The following ANKRD40CL variants were observed in gnomAD, a reference collection of about 807,000 sequenced individuals.
ANKRD40CL encodes the protein putative ANKRD40 C-terminal-like protein.
For synonymous variants in ANKRD40CL, 5 were observed against 2.3 expected, an observed-to-expected ratio of 2.14 and a Z score of -1.04; for missense variants, 11 against 6.4, an observed-to-expected ratio of 1.71 and a Z score of -0.77.
chr17:50,762,221 G>T (rs574513008), intron 3 of ANKRD40CL, among the ~76,000 whole-genome samples: 80 of 152,148 alleles, frequency 5.3e-4, no homozygotes, highest in African/African-American at 1.9e-3. Context: ...ACACCCAGCA[G>T]ATTTTTGTTG....
chr17:50,761,152 G>T lies in ANKRD40CL; in HGVS notation c.*211C>A. ...CCTCCTGGGTTCAGGTGATTCTCCT[G>T]CCTCAGCTTCCCATGTAGCTGGGAC... On this transcript the variant is annotated 3_prime_UTR_variant, in exon 4 of 4. Coordinates refer to ENST00000450727, the MANE Select transcript of ANKRD40CL (RefSeq NM_001358683.3). The T allele has an allele frequency of 3.6e-6, 1 of 276,184 alleles. No individual in the cohort carries two copies. Among genetic ancestry groups the T allele is most frequent in the African/African-American group, 2.2e-5 (1 of 45,342 alleles). The allele number at this position is 276,184 out of a possible 1,614,324, so 17.1% of individuals were successfully genotyped here.
intron 1 of ANKRD40CL, chr17:50,767,215 C>T (rs1221195049): frequency 5.0e-6 from 3 of 594,122 alleles, no homozygotes; most frequent in African/African-American, 3.7e-5. Context: ...GTAGTACTCA[C>T]CCGAGGGAAT....
Position 50,761,201 on chromosome 17 carries a change from C to G in ANKRD40CL, c.*162G>C. ...ACTACTACAGGTGTGCGCCACCACACCTAGCTAATTTTTGTATTTTTTTTA... is the reference window on the plus strand; with the variant it reads ...ACTACTACAGGTGTGCGCCACCACAGCTAGCTAATTTTTGTATTTTTTTTA... On this transcript the variant is annotated 3_prime_UTR_variant, in exon 4 of 4. Transcript: ENST00000450727. 1 of 356,136 alleles carries G rather than the reference C, an allele frequency of 2.8e-6. No individual in the cohort carries two copies. Among genetic ancestry groups the G allele is most frequent in the African/African-American group, 2.1e-5 (1 of 47,678 alleles). 22.1% of individuals were successfully genotyped at this position (356,136 alleles called of 1,614,324 possible).
chr17:50,762,462 A>G (rs1288932317), intron 3 of ANKRD40CL, among the ~76,000 whole-genome samples: 1 of 151,992 alleles, frequency 6.6e-6, no homozygotes, highest in African/African-American at 2.4e-5. Context: ...TGTAGTCCCA[A>G]CTACTCTGGA....
In ANKRD40CL at chr17:50,766,925, A is replaced by G. The variant is rs116445756; in HGVS notation, c.-12T>C. On this transcript the variant is annotated 5_prime_UTR_variant, in exon 2 of 4. It removes the in-frame stop codon of an upstream open reading frame in the 5' UTR. Transcript: ENST00000450727. ...TCCGGTTCAGCCATGAGTCACCTCT[A>G]GTCCGTCAGATGTGCAGCCCCTCTC... 509 of 699,566 alleles carry G rather than the reference A, an allele frequency of 7.3e-4. 37 individuals carry two copies. In the African/African-American group the frequency reaches 8.3e-3, roughly 11 times the overall value. 43.3% of individuals were successfully genotyped at this position (699,566 alleles called of 1,614,324 possible).
At position 50,763,277 on chromosome 17, in the gene ANKRD40CL, G is replaced by A. The variant is rs1274015734; in HGVS notation, c.201+120C>T. The A allele has an allele frequency of 1.3e-5, 5 of 398,086 alleles. No homozygotes were observed. The East Asian group carries it at 1.4e-4, about 11-fold the overall frequency. 24.7% of individuals were successfully genotyped at this position (398,086 alleles called of 1,614,324 possible). ...AGATTGAAAATGACCTAGCTACCATGTTTGGCCGTTTTGCAGCCAGGATTT... is the reference window on the plus strand; with the variant it reads ...AGATTGAAAATGACCTAGCTACCATATTTGGCCGTTTTGCAGCCAGGATTT... On this transcript the variant is annotated intron_variant, in intron 3 of 3. Coordinates refer to ENST00000450727, the MANE Select transcript of ANKRD40CL (RefSeq NM_001358683.3).
At chr17:50,762,045 C>G (rs1308329319) in intron 3 of ANKRD40CL, among the ~76,000 whole-genome samples, 1 of 151,982 alleles carries the variant, frequency 6.6e-6, no homozygotes, top group Non-Finnish European at 1.5e-5. Flanking sequence ...AGCAATCCTT[C>G]CACTTCCACT....
chr17:50,764,190 G>C (rs939179803), intron 2 of ANKRD40CL: 4 of 398,524 alleles, frequency 1.0e-5, no homozygotes, highest in African/African-American at 8.2e-5. Flanking sequence ...TGGGTTTCTT[G>C]TTATCACTTG....
At chr17:50,764,863 G>A (rs1166408861) in intron 2 of ANKRD40CL, 1 of 152,204 alleles carries the variant, frequency 6.6e-6, no homozygotes, top group Non-Finnish European at 1.5e-5. Context: ...CAGTTGTCGG[G>A]GCATGATGAA....
At chr17:50,762,209 C>T (rs1971213099) in intron 3 of ANKRD40CL, among the ~76,000 whole-genome samples, 1 of 152,154 alleles carries the variant, frequency 6.6e-6, no homozygotes, top group South Asian at 2.1e-4. Context: ...GCATGAGACA[C>T]CACACCCAGC....
At chr17:50,762,160 A>G (rs907348535) in intron 3 of ANKRD40CL, among the ~76,000 whole-genome samples, 2 of 152,100 alleles carry the variant, frequency 1.3e-5, no homozygotes, top group African/African-American at 2.4e-5. Flanking sequence ...AGCTCAAGCA[A>G]TCCGCCCACC....
At chr17:50,765,804 G>A (rs558902968) in intron 2 of ANKRD40CL, among the ~76,000 whole-genome samples, 226 of 152,248 alleles carry the variant, frequency 1.5e-3, no homozygotes, top group Non-Finnish European at 2.4e-3. Context: ...GCGGAATGAG[G>A]GACTCTGGCA....
intron 3 of ANKRD40CL, chr17:50,762,932 C>T (rs1971227383): frequency 6.6e-6 from 1 of 152,246 alleles, no homozygotes; most frequent in African/African-American, 2.4e-5. Context: ...GGGTCTAGCT[C>T]TGTCGCCAGG....
At chr17:50,762,267 T>A (rs1290243835) in intron 3 of ANKRD40CL, among the ~76,000 whole-genome samples, 2 of 152,154 alleles carry the variant, frequency 1.3e-5, no homozygotes, top group Non-Finnish European at 2.9e-5. Context: ...TCCCTTGACA[T>A]GTTAGTTTAC....
At chr17:50,765,375 G>A (rs1412192946) in intron 2 of ANKRD40CL, among the ~76,000 whole-genome samples, 1 of 152,176 alleles carries the variant, frequency 6.6e-6, no homozygotes, top group Non-Finnish European at 1.5e-5. Context: ...ACACCACCAA[G>A]CCATTCTGGT....
intron 2 of ANKRD40CL, 41 bp downstream of exon 2, chr17:50,766,833 C>T (rs933298351): frequency 3.1e-5 from 19 of 620,528 alleles, no homozygotes; most frequent in African/African-American, 1.1e-4. Flanking sequence ...CTGTCCCATC[C>T]TCCTTGAGGA....
Position 50,763,379 on chromosome 17 carries a change from G to A in ANKRD40CL, c.201+18C>T, listed in dbSNP as rs990196857. 1 of 399,068 alleles carries A rather than the reference G, an allele frequency of 2.5e-6. No individual in the cohort carries two copies. The highest frequency in any genetic ancestry group is 4.4e-6 in the Non-Finnish European group (1 of 226,070). 24.7% of individuals were successfully genotyped at this position (399,068 alleles called of 1,614,324 possible). The stretch of plus-strand genomic sequence containing the variant: ...GTCACCCACTGTGATTCTGCATTTA[G>A]AAACTCTTAACCCTTACCTTTCTGA... On this transcript the variant is annotated intron_variant, in intron 3 of 3. Transcript: ENST00000450727.
At chr17:50,765,799 A>G (rs1352002099) in intron 2 of ANKRD40CL, among the ~76,000 whole-genome samples, 2 of 152,144 alleles carry the variant, frequency 1.3e-5, no homozygotes, top group Non-Finnish European at 2.9e-5. Flanking sequence ...TGACAGCGGA[A>G]TGAGGGACTC....
rs1971327863 is a variant in ANKRD40CL at position 50,766,860 on chromosome 17, AC to A, written c.40+13del. The A allele has an allele frequency of 1.6e-6, 1 of 642,036 alleles. No homozygotes were observed. The highest frequency in any genetic ancestry group is 2.2e-5 in the Admixed American group (1 of 44,786). 39.8% of individuals were successfully genotyped at this position (642,036 alleles called of 1,614,324 possible). A position where few individuals can be genotyped will look rare whatever the true frequency, so the allele number is the denominator to read the frequency against. On this transcript the variant is annotated intron_variant, in intron 2 of 3. Transcript: ENST00000450727. ...CCTTGAGGACCATGTTGGGAACAGG[AC>A]TCCCAGACTCACCTGCTGGCTTCTC...
Sources: gnomAD v4.1 joint callset for allele counts (sites outside exome capture counted in the v4.1 genomes callset) on GRCh38, gnomAD v4.1.1 for gene constraint, MANE v1.5 for transcripts, NCBI Gene and HGNC (gene_info 2026-07-23, HGNC 2026-07-21) for gene names.